The following DLGAP2 variants were observed in gnomAD, a reference collection of about 807,000 sequenced individuals.
DLGAP2 encodes the protein DLG associated protein 2, also known as disks large-associated protein 2.
In DLGAP2, 26 loss-of-function variants were observed where a neutral mutation model predicts 100.3. That is an observed-to-expected ratio of 0.26 (90% CI 0.19 to 0.36). DLGAP2 has a LOEUF of 0.36. Ranked by LOEUF, DLGAP2 falls within the 10% of genes least tolerant of loss-of-function variation. DLGAP2 has a pLI of 1.00. For synonymous variants in DLGAP2, 886 were observed against 630.1 expected (o/e 1.41, Z -6.08); for missense variants, 1,858 against 1,453.2 (o/e 1.28, Z -4.53).
intron 3 of DLGAP2, among the ~76,000 whole-genome samples, chr8:1,359,115 G>A (rs1256605319): frequency 2.6e-5 from 4 of 152,194 alleles, no homozygotes; most frequent in African/African-American, 9.7e-5. Context: ...TCATCAGTCC[G>A]GGGACTGCAC....
At chr8:1,669,702 C>T (rs756921944) in intron 9 of DLGAP2, 41 bp from the exon 10 acceptor site, 3 of 780,696 alleles carry the variant, frequency 3.8e-6, no homozygotes, top group Non-Finnish European at 4.8e-6. Flanking sequence ...CCAGGGCCTC[C>T]GAACCAGGTC....
chr8:1,237,688 C>G (rs1372044830), intron 2 of DLGAP2, among the ~76,000 whole-genome samples: 2 of 111,016 alleles, frequency 1.8e-5, no homozygotes. Context: ...TCACATGGCA[C>G]CGTGTCTAGT....
chr8:1,123,851 T>G (rs562652554), intron 2 of DLGAP2, among the ~76,000 whole-genome samples: 1 of 152,298 alleles, frequency 6.6e-6, no homozygotes, highest in South Asian at 2.1e-4. Context: ...TTCCTCAGTA[T>G]TCTTTCCTGT....
intron 2 of DLGAP2, among the ~76,000 whole-genome samples, chr8:1,142,549 G>T (rs750610935): frequency 2.0e-5 from 3 of 152,192 alleles, no homozygotes; most frequent in Non-Finnish European, 4.4e-5. Flanking sequence ...GATAAAACAT[G>T]GCATTTCTGA....
intron 3 of DLGAP2, among the ~76,000 whole-genome samples, chr8:1,287,939 C>CGTGTGT (rs1182048644): frequency 1.4e-5 from 1 of 69,844 alleles, no homozygotes; most frequent in Admixed American, 1.8e-4. Context: ...TTTGGTTCAG[C>CGTGTGT]GTGTGTGTGT....
intron 1 of DLGAP2, among the ~76,000 whole-genome samples, chr8:904,597 G>C (rs529730094): frequency 6.6e-6 from 1 of 152,192 alleles, no homozygotes; most frequent in Admixed American, 6.5e-5. Flanking sequence ...TCCACGTTCT[G>C]TGATTCTGCT....
At chr8:1,557,415 G>C (rs1289524094) in intron 5 of DLGAP2, among the ~76,000 whole-genome samples, 1 of 152,156 alleles carries the variant, frequency 6.6e-6, no homozygotes, top group Non-Finnish European at 1.5e-5. Context: ...TCTCAACAAG[G>C]AGATGGTGGC....
intron 3 of DLGAP2, among the ~76,000 whole-genome samples, chr8:1,303,795 C>T (rs1431555151): frequency 2.0e-5 from 3 of 152,098 alleles, no homozygotes; most frequent in South Asian, 2.1e-4. Flanking sequence ...ATCCGGTGCT[C>T]GTCCAGCCCT....
At chr8:1,342,534 G>A (rs953341582) in intron 3 of DLGAP2, among the ~76,000 whole-genome samples, 5 of 151,884 alleles carry the variant, frequency 3.3e-5, no homozygotes, top group Admixed American at 6.6e-5. Context: ...GTGCGGCTCA[G>A]TCGCATCTGC....
At chr8:1,698,073 G>C (rs1000766953) in intron 14 of DLGAP2, among the ~76,000 whole-genome samples, 4 of 152,188 alleles carry the variant, frequency 2.6e-5, no homozygotes. Flanking sequence ...ATCCAGCAAG[G>C]ATGCACACCT....
chr8:1,453,349 C>G (rs553963022), intron 3 of DLGAP2, among the ~76,000 whole-genome samples: 104 of 152,246 alleles, frequency 6.8e-4, no homozygotes, highest in Non-Finnish European at 1.2e-3. Context: ...TCATATTTAT[C>G]TTCTTGAGTA....
intron 2 of DLGAP2, among the ~76,000 whole-genome samples, chr8:958,074 A>ATTCT (rs1417138511): frequency 6.6e-6 from 1 of 152,084 alleles, no homozygotes; most frequent in African/African-American, 2.4e-5. Context: ...GCCTCTGTTC[A>ATTCT]TTCTTTCTGT....
chr8:915,371 C>T (rs1036588499), intron 2 of DLGAP2, among the ~76,000 whole-genome samples: 3 of 152,152 alleles, frequency 2.0e-5, no homozygotes, highest in Non-Finnish European at 4.4e-5. Context: ...CACGGTGAAA[C>T]CCGGTCTCTA....
intron 7 of DLGAP2, among the ~76,000 whole-genome samples, chr8:1,632,435 A>G (rs1038796670): frequency 1.3e-5 from 2 of 152,146 alleles, no homozygotes; most frequent in African/African-American, 4.8e-5. Flanking sequence ...TGCCATTAGT[A>G]GCTTGGAAAG....
At chr8:1,244,975 C>T (rs1798873808) in intron 2 of DLGAP2, among the ~76,000 whole-genome samples, 1 of 152,166 alleles carries the variant, frequency 6.6e-6, no homozygotes, top group Admixed American at 6.5e-5. Flanking sequence ...GCAATTCACC[C>T]ACAGAAGGTG....
At chr8:1,531,266 G>A (rs956438283) in intron 4 of DLGAP2, among the ~76,000 whole-genome samples, 53 of 151,886 alleles carry the variant, frequency 3.5e-4, no homozygotes, top group African/African-American at 1.3e-3. Context: ...GTGTGTGTGT[G>A]TGTGTGTTCA....
intron 6 of DLGAP2, among the ~76,000 whole-genome samples, chr8:1,617,725 C>T (rs1797203281): frequency 1.3e-5 from 2 of 152,132 alleles, no homozygotes; most frequent in Admixed American, 1.3e-4. Context: ...AATTAGATCC[C>T]ATTATCTACC....
At chr8:1,559,838 CCTT>C (rs1395996430) in intron 5 of DLGAP2, among the ~76,000 whole-genome samples, 1 of 152,300 alleles carries the variant, frequency 6.6e-6, no homozygotes, top group Non-Finnish European at 1.5e-5. Flanking sequence ...GGCCGGGCCT[CCTT>C]CTGCCCCATC....
chr8:1,266,409 G>C (rs1799452059), intron 3 of DLGAP2, among the ~76,000 whole-genome samples: 2 of 152,180 alleles, frequency 1.3e-5, no homozygotes, highest in African/African-American at 4.8e-5. Context: ...CATCTCTGCT[G>C]TCCCTTCCCG....
Sources: allele counts gnomAD v4.1 joint callset (sites outside exome capture counted in the v4.1 genomes callset), GRCh38; gene constraint gnomAD v4.1.1; transcripts MANE v1.5; gene names NCBI Gene and HGNC (gene_info 2026-07-23, HGNC 2026-07-21).